The following ABI2 variants were observed in gnomAD, a reference collection of about 807,000 sequenced individuals.
The protein encoded by ABI2 is abelson interactor 2.
In ABI2, 25 loss-of-function variants were observed where a neutral mutation model predicts 59.2. The observed-to-expected ratio is 0.42, with a 90% CI of 0.31 to 0.59. ABI2 has a LOEUF of 0.59. Ranked by LOEUF, ABI2 falls within the 20% of genes least tolerant of loss-of-function variation. The pLI, the probability that ABI2 is intolerant of heterozygous loss-of-function variation, is 0.14. For missense variants in ABI2, 545 were observed against 681.8 expected (o/e 0.80, Z 2.23); for synonymous variants, 213 against 235.5 (o/e 0.90, Z 0.87).
chr2:203,349,357 G>T (rs2086102436), intron 1 of ABI2, among the ~76,000 whole-genome samples: 1 of 152,096 alleles, frequency 6.6e-6, no homozygotes, highest in South Asian at 2.1e-4. Flanking sequence ...TATTTCCACT[G>T]TCTAATCCTG....
intron 1 of ABI2, among the ~76,000 whole-genome samples, chr2:203,365,065 A>G (rs1349248437): frequency 6.6e-6 from 1 of 152,244 alleles, no homozygotes; most frequent in Non-Finnish European, 1.5e-5. Context: ...TGATAATGGA[A>G]GTAATACATG....
At chr2:203,406,476 C>G (rs911678488) in intron 9 of ABI2, among the ~76,000 whole-genome samples, 3 of 152,088 alleles carry the variant, frequency 2.0e-5, no homozygotes, top group African/African-American at 7.2e-5. Context: ...TTAGTAACCC[C>G]TGAATGGTTT....
intron 9 of ABI2, among the ~76,000 whole-genome samples, chr2:203,409,965 A>G (rs866279229): frequency 2.2e-4 from 33 of 152,122 alleles, no homozygotes; most frequent in South Asian, 2.1e-4. Flanking sequence ...TCCCATTGAT[A>G]TTTCTGGGTT....
At chr2:203,352,683 G>A (rs926775629) in intron 1 of ABI2, among the ~76,000 whole-genome samples, 2 of 152,134 alleles carry the variant, frequency 1.3e-5, no homozygotes, top group African/African-American at 2.4e-5. Flanking sequence ...TACAGTAAAG[G>A]TTAATTTATT....
At chr2:203,389,795 TGTGA>T (rs1378193696) in intron 4 of ABI2, among the ~76,000 whole-genome samples, 1 of 152,236 alleles carries the variant, frequency 6.6e-6, no homozygotes, top group Non-Finnish European at 1.5e-5. Flanking sequence ...GAACTACACT[TGTGA>T]GTGATTTTTC....
intron 2 of ABI2, among the ~76,000 whole-genome samples, chr2:203,371,846 A>G (rs1395370266): frequency 1.3e-5 from 2 of 152,090 alleles, no homozygotes; most frequent in Non-Finnish European, 2.9e-5. Flanking sequence ...TTTTTAATAA[A>G]AAGTTTGCAA....
intron 1 of ABI2, among the ~76,000 whole-genome samples, chr2:203,363,615 A>G (rs935772861): frequency 3.3e-5 from 5 of 152,180 alleles, no homozygotes; most frequent in Non-Finnish European, 5.9e-5. Context: ...AACTCCCACA[A>G]ATAAGTGAGA....
At chr2:203,346,192 A>C (rs1237017051) in intron 1 of ABI2, among the ~76,000 whole-genome samples, 1 of 152,106 alleles carries the variant, frequency 6.6e-6, no homozygotes, top group Non-Finnish European at 1.5e-5. Context: ...GATTCCAAAT[A>C]AGATTTCAGA....
intron 11 of ABI2, among the ~76,000 whole-genome samples, chr2:203,424,082 G>A (rs1193124041): frequency 6.6e-6 from 1 of 152,112 alleles, no homozygotes; most frequent in Non-Finnish European, 1.5e-5. Flanking sequence ...GATACTATGC[G>A]TGATATACAT....
chr2:203,384,569 C>T (rs1468045454), intron 4 of ABI2, among the ~76,000 whole-genome samples: 1 of 151,932 alleles, frequency 6.6e-6, no homozygotes, highest in African/African-American at 2.4e-5. Flanking sequence ...CTCGGCCTCC[C>T]AAAATGTTGG....
chr2:203,406,031 C>A (rs917292437), intron 9 of ABI2, among the ~76,000 whole-genome samples: 4 of 152,048 alleles, frequency 2.6e-5, no homozygotes, highest in Non-Finnish European at 4.4e-5. Flanking sequence ...TAACTGAAAT[C>A]CCTTTGGTTC....
intron 10 of ABI2, among the ~76,000 whole-genome samples, chr2:203,414,224 C>T (rs2097794057): frequency 6.6e-6 from 1 of 151,504 alleles, no homozygotes; most frequent in South Asian, 2.1e-4. Context: ...GCCTCAGCCT[C>T]GTGAGCAGCT....
intron 9 of ABI2, among the ~76,000 whole-genome samples, chr2:203,407,957 A>AG (rs1346257173): frequency 6.6e-6 from 1 of 152,234 alleles, no homozygotes; most frequent in African/African-American, 2.4e-5. Flanking sequence ...AGGTCCGAAA[A>AG]GAAAATGATG....
At chr2:203,408,703 A>T (rs983652229) in intron 9 of ABI2, among the ~76,000 whole-genome samples, 1 of 151,986 alleles carries the variant, frequency 6.6e-6, no homozygotes, top group African/African-American at 2.4e-5. Flanking sequence ...AGGTTAGGTT[A>T]CATGCCAACA....
intron 1 of ABI2, chr2:203,342,069 A>ATTTTTTTTTTTTTTTTTTTTTTTTT: frequency 3.0e-6 from 1 of 336,444 alleles, no homozygotes; most frequent in Non-Finnish European, 5.8e-6. Flanking sequence ...AATTATGTTC[A>ATTTTTTTTTTTTTTTTTTTTTTTTT]TTTTTTTTTT....
chr2:203,362,003 A>G (rs1045705715), intron 1 of ABI2, among the ~76,000 whole-genome samples: 11 of 152,220 alleles, frequency 7.2e-5, no homozygotes, highest in African/African-American at 2.7e-4. Flanking sequence ...AACATTTCTA[A>G]TGAGTTCTGC....
At chr2:203,402,466 A>T in intron 8 of ABI2, 110 bp from the exon 9 acceptor site, 1 of 803,246 alleles carries the variant, frequency 1.2e-6, no homozygotes, top group Non-Finnish European at 1.7e-6. Flanking sequence ...GATACCAGTT[A>T]AACTAGCTGT....
At chr2:203,345,066 T>A (rs1209534874) in intron 1 of ABI2, among the ~76,000 whole-genome samples, 3 of 152,176 alleles carry the variant, frequency 2.0e-5, no homozygotes, top group Admixed American at 2.0e-4. Context: ...CGGGGTCCTC[T>A]TCCATGCTGT....
chr2:203,373,511 G>A (rs967904435), intron 2 of ABI2, among the ~76,000 whole-genome samples: 6 of 151,800 alleles, frequency 4.0e-5, no homozygotes, highest in African/African-American at 1.5e-4. Flanking sequence ...GAGGGAGCGG[G>A]AGAGGGAGAG....
Sources: allele counts gnomAD v4.1 joint callset (sites outside exome capture counted in the v4.1 genomes callset), GRCh38; gene constraint gnomAD v4.1.1; transcripts MANE v1.5; gene names NCBI Gene and HGNC (gene_info 2026-07-23, HGNC 2026-07-21).